Variants in ITFG1 observed in about 807,000 individuals in gnomAD.
ITFG1 encodes T-cell immunomodulatory protein.
ITFG1 carries 34 observed loss-of-function variants against 81.8 expected under a neutral mutation model. The observed-to-expected ratio is 0.42, with a 90% CI of 0.32 to 0.55. ITFG1 has a LOEUF of 0.55. Among genes scored for constraint, ITFG1 ranks in the 20% least tolerant of loss-of-function variants. ITFG1 has a pLI of 0.17. For missense variants in ITFG1, 672 were observed against 755.4 expected (o/e 0.89, Z 1.29); for synonymous variants, 285 against 270.6 (o/e 1.05, Z -0.52).
intron 6 of ITFG1, among the ~76,000 whole-genome samples, chr16:47,383,776 T>C (rs1170300367): frequency 6.6e-6 from 1 of 152,208 alleles, no homozygotes; most frequent in East Asian, 1.9e-4. Flanking sequence ...TGGTGGCGCA[T>C]GCCTGTAATC....
intron 14 of ITFG1, among the ~76,000 whole-genome samples, chr16:47,180,709 C>G (rs1965098313): frequency 6.6e-6 from 1 of 152,156 alleles, no homozygotes; most frequent in African/African-American, 2.4e-5. Context: ...GGCTGGGGTG[C>G]AGTGGCATGA....
At chr16:47,343,180 T>C (rs572157167) in intron 8 of ITFG1, among the ~76,000 whole-genome samples, 3 of 152,168 alleles carry the variant, frequency 2.0e-5, no homozygotes, top group Admixed American at 6.5e-5. Context: ...AGTCTAGAAA[T>C]AAACACATAG....
At chr16:47,434,414 G>A (rs1969138932) in intron 5 of ITFG1, among the ~76,000 whole-genome samples, 1 of 148,012 alleles carries the variant, frequency 6.8e-6, no homozygotes, top group Admixed American at 6.7e-5. Flanking sequence ...CTTCTCAAAA[G>A]ATGACATTCC....
intron 10 of ITFG1, among the ~76,000 whole-genome samples, chr16:47,267,934 A>C (rs1041487199): frequency 6.6e-6 from 1 of 152,114 alleles, no homozygotes; most frequent in Admixed American, 6.5e-5. Flanking sequence ...ATAGTAGAAA[A>C]GAAGAAAAGT....
chr16:47,348,123 G>T (rs1221558930), intron 8 of ITFG1, among the ~76,000 whole-genome samples: 1 of 152,168 alleles, frequency 6.6e-6, no homozygotes, highest in East Asian at 1.9e-4. Context: ...AAACAGAACA[G>T]AAAAACTGAA....
chr16:47,428,575 A>C (rs1969053410), intron 6 of ITFG1, among the ~76,000 whole-genome samples: 1 of 152,216 alleles, frequency 6.6e-6, no homozygotes, highest in Non-Finnish European at 1.5e-5. Flanking sequence ...AAAGTAGAGA[A>C]TTCAAATTCT....
At chr16:47,342,332 T>C (rs1000077929) in intron 8 of ITFG1, among the ~76,000 whole-genome samples, 2 of 152,022 alleles carry the variant, frequency 1.3e-5, no homozygotes, top group African/African-American at 2.4e-5. Flanking sequence ...TTTCATAATA[T>C]CTCTCAGAAA....
chr16:47,296,528 C>T (rs369770494), intron 10 of ITFG1, among the ~76,000 whole-genome samples: 28 of 152,064 alleles, frequency 1.8e-4, no homozygotes, highest in East Asian at 1.6e-3. Context: ...TTCCGCCTCC[C>T]GGATTCAAGC....
chr16:47,418,447 T>G (rs1968900438), intron 6 of ITFG1, among the ~76,000 whole-genome samples: 1 of 152,158 alleles, frequency 6.6e-6, no homozygotes, highest in Non-Finnish European at 1.5e-5. Flanking sequence ...TTTGAGCTTT[T>G]GAACTCCTAG....
At chr16:47,270,550 C>A (rs1259061556) in intron 10 of ITFG1, among the ~76,000 whole-genome samples, 2 of 152,204 alleles carry the variant, frequency 1.3e-5, no homozygotes, top group Admixed American at 1.3e-4. Context: ...ATAGCTACCC[C>A]ATTCCTTGGT....
At chr16:47,163,898 G>GT (rs1210176827) in intron 14 of ITFG1, among the ~76,000 whole-genome samples, 1 of 144,362 alleles carries the variant, frequency 6.9e-6, no homozygotes, top group Non-Finnish European at 1.5e-5. Flanking sequence ...CAATAAACAC[G>GT]TGAAAGAAGC....
intron 13 of ITFG1, among the ~76,000 whole-genome samples, chr16:47,233,366 T>G (rs549881317): frequency 6.6e-6 from 1 of 152,150 alleles, no homozygotes. Context: ...AAGACTTAAC[T>G]GAAAAACTGC....
chr16:47,354,039 T>C (rs1287045745), intron 8 of ITFG1, among the ~76,000 whole-genome samples: 3 of 152,062 alleles, frequency 2.0e-5, no homozygotes, highest in African/African-American at 4.8e-5. Flanking sequence ...TTGACAATAG[T>C]AGGGAAAAAA....
chr16:47,315,290 A>C (rs113299283), intron 8 of ITFG1, among the ~76,000 whole-genome samples: 1 of 152,134 alleles, frequency 6.6e-6, no homozygotes, highest in Non-Finnish European at 1.5e-5. Context: ...AAGGTTTTCC[A>C]AGGAGATAAA....
At chr16:47,459,695 G>C (rs1442221185) in intron 1 of ITFG1, among the ~76,000 whole-genome samples, 1 of 152,144 alleles carries the variant, frequency 6.6e-6, no homozygotes, top group Non-Finnish European at 1.5e-5. Flanking sequence ...CCTCCAGAGG[G>C]TGACACATTC....
intron 7 of ITFG1, among the ~76,000 whole-genome samples, chr16:47,374,063 C>T (rs1596940187): frequency 6.6e-6 from 1 of 152,282 alleles, no homozygotes; most frequent in South Asian, 2.1e-4. Flanking sequence ...ATCCCAACCA[C>T]TACCCTGCCC....
intron 3 of ITFG1, 77 bp from the exon 4 acceptor site, chr16:47,452,867 AT>A: frequency 1.4e-6 from 1 of 690,836 alleles, no homozygotes; most frequent in East Asian, 3.0e-5. Flanking sequence ...AGGAAAAAAT[AT>A]TCTTCTACTC....
intron 6 of ITFG1, among the ~76,000 whole-genome samples, chr16:47,423,320 A>C (rs1429627071): frequency 7.4e-6 from 1 of 134,722 alleles, no homozygotes. Context: ...TTTTGAGCCT[A>C]TGTGCATCTT....
chr16:47,374,054 T>A (rs923839241), intron 7 of ITFG1, among the ~76,000 whole-genome samples: 2 of 152,142 alleles, frequency 1.3e-5, no homozygotes, highest in Non-Finnish European at 2.9e-5. Context: ...GCTTAACTTA[T>A]CCCAACCACT....
Sources: gnomAD v4.1 joint callset for allele counts (sites outside exome capture counted in the v4.1 genomes callset) on GRCh38, gnomAD v4.1.1 for gene constraint, MANE v1.5 for transcripts, NCBI Gene and HGNC (gene_info 2026-07-23, HGNC 2026-07-21) for gene names.